Variants in RAD51B observed in about 807,000 individuals in gnomAD.
RAD51B encodes RAD51 paralog B.
RAD51B carries 38 observed loss-of-function variants against 42.2 expected under a neutral mutation model. That is an observed-to-expected ratio of 0.90 (90% CI 0.70 to 1.18). RAD51B has a LOEUF of 1.18. RAD51B is among the 50% of genes most tolerant of loss of function. The pLI, the probability that RAD51B is intolerant of heterozygous loss-of-function variation, is 0.00. For missense variants in RAD51B, 373 were observed against 400.7 expected, an observed-to-expected ratio of 0.93 and a Z score of 0.59; for synonymous variants, 154 against 145.2, an observed-to-expected ratio of 1.06 and a Z score of -0.43.
intron 10 of RAD51B, among the ~76,000 whole-genome samples, chr14:68,648,126 CACACACGT>C (rs1566963606): frequency 5.2e-5 from 5 of 95,604 alleles, no homozygotes; most frequent in African/African-American, 1.7e-4. Context: ...TATATATATA[CACACACGT>C]ATATATATAT....
intron 5 of RAD51B, among the ~76,000 whole-genome samples, chr14:67,868,327 C>T (rs1000235131): frequency 7.4e-5 from 11 of 149,574 alleles, no homozygotes; most frequent in South Asian, 6.4e-4. Context: ...GGGTGACAGA[C>T]GGCACCTGGA....
chr14:68,672,700 G>A (rs1018861339), intron 11 of RAD51B, among the ~76,000 whole-genome samples: 2 of 152,110 alleles, frequency 1.3e-5, no homozygotes, highest in Non-Finnish European at 2.9e-5. Flanking sequence ...AGAACAAATT[G>A]CAAACAGCTA....
intron 7 of RAD51B, among the ~76,000 whole-genome samples, chr14:67,931,211 G>A (rs941922850): frequency 2.0e-5 from 3 of 152,056 alleles, no homozygotes; most frequent in Non-Finnish European, 2.9e-5. Flanking sequence ...GTGAGCCACC[G>A]CGTCCTGCCT....
chr14:68,349,679 A>T (rs1351388675), intron 8 of RAD51B, among the ~76,000 whole-genome samples: 1 of 152,070 alleles, frequency 6.6e-6, no homozygotes, highest in African/African-American at 2.4e-5. Context: ...CTACTTTTTT[A>T]TATCCATGGG....
chr14:68,652,526 G>A (rs185586015), intron 11 of RAD51B, among the ~76,000 whole-genome samples: 1 of 152,328 alleles, frequency 6.6e-6, no homozygotes, highest in East Asian at 1.9e-4. Context: ...TCGGCCATGC[G>A]TGCTGTGCGT....
intron 7 of RAD51B, among the ~76,000 whole-genome samples, chr14:68,203,542 G>A (rs1392681543): frequency 6.6e-6 from 1 of 152,134 alleles, no homozygotes; most frequent in Non-Finnish European, 1.5e-5. Context: ...ATGATCATTG[G>A]CTTCAAGTTA....
At chr14:68,346,677 A>G (rs1311657911) in intron 8 of RAD51B, among the ~76,000 whole-genome samples, 1 of 152,134 alleles carries the variant, frequency 6.6e-6, no homozygotes, top group Admixed American at 6.5e-5. Flanking sequence ...AAATCCCTCA[A>G]TGTCTTTTTC....
chr14:68,056,241 C>A (rs937924081), intron 7 of RAD51B, among the ~76,000 whole-genome samples: 1 of 152,108 alleles, frequency 6.6e-6, no homozygotes, highest in African/African-American at 2.4e-5. Context: ...TCACTGTAAA[C>A]TCTGCCTCCC....
At chr14:67,919,180 C>T (rs1355150840) in intron 7 of RAD51B, among the ~76,000 whole-genome samples, 2 of 152,164 alleles carry the variant, frequency 1.3e-5, no homozygotes, top group African/African-American at 4.8e-5. Flanking sequence ...CTGTCCCTAA[C>T]TTAAGGGAGC....
At chr14:67,896,446 C>T (rs2043420966) in intron 7 of RAD51B, among the ~76,000 whole-genome samples, 1 of 152,180 alleles carries the variant, frequency 6.6e-6, no homozygotes, top group Non-Finnish European at 1.5e-5. Flanking sequence ...ATACGAAGAG[C>T]TGTGATCATC....
intron 8 of RAD51B, among the ~76,000 whole-genome samples, chr14:68,331,432 T>TA (rs1184845803): frequency 6.7e-6 from 1 of 149,828 alleles, no homozygotes; most frequent in Non-Finnish European, 1.5e-5. Flanking sequence ...TATACTTATT[T>TA]AAAACTTAAA....
chr14:67,876,771 G>A (rs959373183), intron 5 of RAD51B, among the ~76,000 whole-genome samples: 1 of 152,160 alleles, frequency 6.6e-6, no homozygotes, highest in African/African-American at 2.4e-5. Context: ...AGTGGATGTA[G>A]GGTTAGGCTA....
At chr14:67,925,839 C>T (rs1566961679) in intron 7 of RAD51B, among the ~76,000 whole-genome samples, 1 of 152,230 alleles carries the variant, frequency 6.6e-6, no homozygotes, top group Non-Finnish European at 1.5e-5. Context: ...ATGGAAGCTG[C>T]CAAGGCTTGC....
chr14:68,207,510 A>AGT (rs1367755262), intron 7 of RAD51B, among the ~76,000 whole-genome samples: 7 of 152,232 alleles, frequency 4.6e-5, no homozygotes, highest in African/African-American at 1.7e-4. Context: ...AGGAGAAAAT[A>AGT]CATCTAGAGT....
chr14:68,353,909 G>T (rs1010350472), intron 8 of RAD51B, among the ~76,000 whole-genome samples: 3 of 152,164 alleles, frequency 2.0e-5, no homozygotes, highest in African/African-American at 7.2e-5. Context: ...AACTGTGTGG[G>T]GTACCCTCAA....
chr14:68,638,889 T>G lies in RAD51B; in HGVS notation c.1037-11892T>G, dbSNP rs1318486627. On this transcript the variant is annotated intron_variant, in intron 10 of 11. Transcript: ENST00000488612. ...AAACAACAGGAAGCAGAGACAGGAG[T>G]GGACAGGATGCACGTCGGGTACTCA... is the stretch of plus-strand genomic sequence containing the variant. 3.3e-5 allele frequency among the ~76,000 whole-genome samples: 5 copies of G among 151,038 alleles called. No homozygotes were observed. The East Asian group carries it at 9.7e-4, about 29-fold the overall frequency.
At chr14:68,215,838 G>A (rs557217514) in intron 7 of RAD51B, among the ~76,000 whole-genome samples, 2 of 152,268 alleles carry the variant, frequency 1.3e-5, no homozygotes, top group Admixed American at 6.5e-5. Context: ...AAGCTGAGCC[G>A]AATTTTGCTT....
At chr14:68,658,411 C>T (rs956300197) in intron 11 of RAD51B, among the ~76,000 whole-genome samples, 3 of 152,216 alleles carry the variant, frequency 2.0e-5, no homozygotes, top group Non-Finnish European at 4.4e-5. Context: ...CTGGCCCGTG[C>T]CCCCTGGTGA....
At chr14:67,992,121 C>G (rs1004421715) in intron 7 of RAD51B, among the ~76,000 whole-genome samples, 2 of 152,172 alleles carry the variant, frequency 1.3e-5, no homozygotes, top group Non-Finnish European at 2.9e-5. Flanking sequence ...ATGCATCGGA[C>G]TATTTTGTTC....
Sources: gnomAD v4.1 joint callset for allele counts (sites outside exome capture counted in the v4.1 genomes callset) on GRCh38, gnomAD v4.1.1 for gene constraint, MANE v1.5 for transcripts, NCBI Gene and HGNC (gene_info 2026-07-23, HGNC 2026-07-21) for gene names.